The following JAG1 variants were observed in gnomAD, a reference collection of about 807,000 sequenced individuals.
JAG1 encodes the protein protein jagged-1.
In JAG1, 23 loss-of-function variants were observed where a neutral mutation model predicts 148.7. That is an observed-to-expected ratio of 0.15 (90% CI 0.11 to 0.22). The LOEUF (loss-of-function observed/expected upper bound fraction) is 0.22. JAG1 is among the 10% of genes least tolerant of loss of function. The pLI is 1.00. For synonymous variants in JAG1, 572 were observed against 598.3 expected (o/e 0.96, Z 0.64); for missense variants, 1,054 against 1,611.2 (o/e 0.65, Z 5.92).
chr20:10,646,136 G>T, intron 14 of JAG1, 52 bp from the exon 15 acceptor site: 1 of 1,329,124 alleles, frequency 7.5e-7, no homozygotes, highest in Non-Finnish European at 1.1e-6. Context: ...TGAAGCCATA[G>T]ACAAGCACTG....
At chr20:10,658,824 T>G in intron 3 of JAG1, 102 bp from the exon 4 acceptor site, 1 of 1,298,002 alleles carries the variant, frequency 7.7e-7, no homozygotes, top group Non-Finnish European at 1.1e-6. Flanking sequence ...GCTACAAAAT[T>G]CTATCTGTTG....
At chr20:10,650,114 C>G (rs1489603666) in intron 9 of JAG1, 133 bp downstream of exon 9, 7 of 710,796 alleles carry the variant, frequency 9.8e-6, no homozygotes, top group African/African-American at 1.7e-5. Context: ...CTGCTAGACT[C>G]TTGATAATAA....
At chr20:10,640,200 T>C in intron 25 of JAG1, among the ~76,000 whole-genome samples, 1 of 152,250 alleles carries the variant, frequency 6.6e-6, no homozygotes, top group South Asian at 2.1e-4. Context: ...CGGCAGCTCC[T>C]ACAGGCTCTT....
chr20:10,666,695 G>A (rs1353304596), intron 2 of JAG1, among the ~76,000 whole-genome samples: 3 of 152,208 alleles, frequency 2.0e-5, no homozygotes, highest in African/African-American at 7.2e-5. Flanking sequence ...GTCTGGATTT[G>A]CAAAGTGAGT....
chr20:10,673,165 G>C lies in JAG1; in HGVS notation c.82-159C>G, dbSNP rs1413923286. ...TTCAAGGACTCAACATGATTCCGGG[G>C]CAAAAAAAAAAAAAAATGCACGAGT... On this transcript the variant is annotated intron_variant, in intron 1 of 25. Coordinates refer to ENST00000254958, the MANE Select transcript of JAG1 (RefSeq NM_000214.3). This position sits in a 1 kb window ranked among gnomAD's most constrained non-coding sequence, Gnocchi z 4.7. 1.0e-5 allele frequency: 6 copies of C among 585,118 alleles called. No individual in the cohort carries two copies. Among genetic ancestry groups the C allele is most frequent in the Admixed American group, 3.6e-5 (1 of 27,648 alleles). 36.2% of individuals were successfully genotyped at this position (585,118 alleles called of 1,614,324 possible).
intron 2 of JAG1, among the ~76,000 whole-genome samples, chr20:10,667,857 G>C (rs145491216): frequency 8.3e-4 from 126 of 152,184 alleles, no homozygotes; most frequent in African/African-American, 2.8e-3. Flanking sequence ...AGGGTGGCGA[G>C]GTTAATAGAT....
chr20:10,672,358 T>G (rs1568806716), intron 2 of JAG1, among the ~76,000 whole-genome samples: 2 of 152,138 alleles, frequency 1.3e-5, no homozygotes, highest in Non-Finnish European at 2.9e-5. Flanking sequence ...AGCAAAGAGA[T>G]CAGCTACAAC....
At chr20:10,662,300 T>C (rs2067422807) in intron 3 of JAG1, 1 of 152,100 alleles carries the variant, frequency 6.6e-6, no homozygotes, top group Non-Finnish European at 1.5e-5. Context: ...TGCAGACAAC[T>C]GTGGGTAGCT....
intron 6 of JAG1, 36 bp from the exon 7 acceptor site, chr20:10,652,286 T>C (rs376985571): frequency 3.1e-6 from 5 of 1,612,684 alleles, no homozygotes; most frequent in African/African-American, 1.3e-5. Flanking sequence ...AAGAGACGCC[T>C]GTGAAGATGG....
rs138085596 is a variant in JAG1, at chr20:10,664,561, C to G, written c.388-547G>C. ...GAAAACTCTGTCTATGTGAGACCAT[C>G]CTGGCTCCCACAAGTATCGGGTAAC... On this transcript the variant is annotated intron_variant, in intron 2 of 25. Transcript: ENST00000254958. 4.6e-3 allele frequency among the ~76,000 whole-genome samples: 696 copies of G among 152,216 alleles called. 3 individuals are homozygous for G. The highest frequency in any genetic ancestry group is 0.016 in the African/African-American group (656 of 41,526).
At chr20:10,658,325 C>T (rs1486736819) in intron 4 of JAG1, 143 bp downstream of exon 4, 14 of 1,035,678 alleles carry the variant, frequency 1.4e-5, no homozygotes, top group East Asian at 4.8e-5. Flanking sequence ...TTCTACACTC[C>T]GCATCTTCAT....
chr20:10,655,622 C>G (rs1054951070), intron 5 of JAG1, among the ~76,000 whole-genome samples: 1 of 152,140 alleles, frequency 6.6e-6, no homozygotes, highest in Non-Finnish European at 1.5e-5. Context: ...GCAAAAGTGA[C>G]AGGCTCAAAG....
Position 10,639,940 on chromosome 20 carries a change from A to C in JAG1, c.3215T>G (p.Leu1072Trp). The C allele has an allele frequency of 6.2e-7, 1 of 1,614,118 alleles. No individual in the cohort carries two copies. Among genetic ancestry groups the C allele is most frequent in the Non-Finnish European group, 8.5e-7 (1 of 1,179,936 alleles). The change falls in exon 26 of 26, where the codon TTG (leucine) becomes TGG (tryptophan). Residue 1072 changes from leucine (L) to tryptophan (W), a missense_variant. By Grantham distance (61) the Leu-to-Trp change is moderately conservative. Around this residue, in one of 6 missense-constraint regions of JAG1, gnomAD observed 342 missense variants for 514.6 expected, o/e 0.66. Coordinates refer to ENST00000254958, the MANE Select transcript of JAG1 (RefSeq NM_000214.3). ...AGCCACAGTTAAGACAGAGCTCAGCAAGGGAACAAGGAAATCTGTAAGGCA... is the reference window on the plus strand; with the variant it reads ...AGCCACAGTTAAGACAGAGCTCAGCCAGGGAACAAGGAAATCTGTAAGGCA... ...LKNRTDFLVP[L>W]LSSVLTVAWI...
In JAG1 at chr20:10,638,073, T is replaced by C. The variant is rs943011907; in HGVS notation, c.*1425A>G. 3.9e-5 allele frequency: 6 copies of C among 152,680 alleles called. No homozygotes were observed. The highest frequency in any genetic ancestry group is 6.5e-5 in the Admixed American group (1 of 15,282). The allele number at this position is 152,680 out of a possible 1,614,324, so 9.5% of individuals were successfully genotyped here. A position where few individuals can be genotyped will look rare whatever the true frequency, so the allele number is the denominator to read the frequency against. On this transcript the variant is annotated 3_prime_UTR_variant, in exon 26 of 26. Coordinates refer to ENST00000254958, the MANE Select transcript of JAG1 (RefSeq NM_000214.3). ...CATTTGTATGTTCATATAACACTAATAGGACAATACAAAGTATCTTCACGG... is the reference window on the plus strand; with the variant it reads ...CATTTGTATGTTCATATAACACTAACAGGACAATACAAAGTATCTTCACGG...
chr20:10,647,925 CTG>C, intron 13 of JAG1, 33 bp downstream of exon 13: 1 of 1,612,786 alleles, frequency 6.2e-7, no homozygotes, highest in East Asian at 2.2e-5. Flanking sequence ...AGGAGCAAGT[CTG>C]GAGACAGCCA....
At chr20:10,654,281 A>T (rs897341270) in intron 5 of JAG1, among the ~76,000 whole-genome samples, 1 of 152,174 alleles carries the variant, frequency 6.6e-6, no homozygotes, top group African/African-American at 2.4e-5. Flanking sequence ...AAGCAACCAC[A>T]AGAGGCCATG....
At chr20:10,661,930 T>A (rs2122629137) in intron 3 of JAG1, among the ~76,000 whole-genome samples, 1 of 152,174 alleles carries the variant, frequency 6.6e-6, no homozygotes, top group East Asian at 1.9e-4. Context: ...GATCGCCTTC[T>A]ATATTTCTGG....
At position 10,673,915 on chromosome 20, in the gene JAG1, A is replaced by AAC. The variant is rs1555831054; in HGVS notation, c.-386_-385insGT. On this transcript the variant is annotated 5_prime_UTR_variant, in exon 1 of 26. Coordinates refer to ENST00000254958, the MANE Select transcript of JAG1 (RefSeq NM_000214.3). This position sits in a 1 kb window ranked among gnomAD's most constrained non-coding sequence, Gnocchi z 4.7. ...GGGGAGGGAGGGGAGAAAAAAAAAA[A>AAC]CCAGCCTAGCTCGCGGGCCGGCCGC... 4.6e-5 allele frequency: 7 copies of AAC among 151,514 alleles called. No individual in the cohort carries two copies. Among genetic ancestry groups the AAC allele is most frequent in the African/African-American group, 1.7e-4 (7 of 41,042 alleles). 9.4% of individuals were successfully genotyped at this position (151,514 alleles called of 1,614,324 possible). A position where few individuals can be genotyped will look rare whatever the true frequency, so the allele number is the denominator to read the frequency against.
In JAG1 at chr20:10,641,763, C is replaced by T. The variant is rs764559590; in HGVS notation, c.2682+20G>A. The T allele has an allele frequency of 3.5e-5, 57 of 1,607,506 alleles. No individual in the cohort carries two copies. The highest frequency in any genetic ancestry group is 1.0e-4 in the Admixed American group (6 of 60,012). On this transcript the variant is annotated intron_variant, in intron 22 of 25. Transcript: ENST00000254958. ...CTGATTCCAGAACACAGGTGAACTGCGGCAGCCATCATGTCCTACCTTTGA... is the reference window on the plus strand; with the variant it reads ...CTGATTCCAGAACACAGGTGAACTGTGGCAGCCATCATGTCCTACCTTTGA...
Sources: allele counts gnomAD v4.1 joint callset (sites outside exome capture counted in the v4.1 genomes callset), GRCh38; gene constraint gnomAD v4.1.1; regional missense constraint gnomAD v4.1.1; non-coding constraint Gnocchi (gnomAD v3.1); transcripts MANE v1.5; gene names NCBI Gene and HGNC (gene_info 2026-07-23, HGNC 2026-07-21).